TTLL11: variants seen among roughly 807,000 people sequenced by gnomAD.
TTLL11 encodes the protein tubulin tyrosine ligase like 11.
In TTLL11, 42 loss-of-function variants were observed where a neutral mutation model predicts 51.7. That is an observed-to-expected ratio of 0.81 (90% CI 0.64 to 1.05). TTLL11 has a LOEUF of 1.05. Ranked by LOEUF, TTLL11 falls within the 50% of genes least tolerant of loss-of-function variation. TTLL11 has a pLI of 0.00. For missense variants in TTLL11, 799 were observed against 940.4 expected, an observed-to-expected ratio of 0.85 and a Z score of 1.97; for synonymous variants, 381 against 383.5, an observed-to-expected ratio of 0.99 and a Z score of 0.08.
intron 8 of TTLL11, among the ~76,000 whole-genome samples, chr9:121,828,053 G>T (rs1261377150): frequency 6.6e-6 from 1 of 152,124 alleles, no homozygotes; most frequent in African/African-American, 2.4e-5. Flanking sequence ...AGCAGAAAGT[G>T]CCATAGAGCC....
At chr9:122,038,253 T>C (rs1463716157) in intron 2 of TTLL11, among the ~76,000 whole-genome samples, 2 of 152,152 alleles carry the variant, frequency 1.3e-5, no homozygotes, top group African/African-American at 4.8e-5. Context: ...AAAAAATAAG[T>C]GGAAGGCCCT....
chr9:121,895,992 TTG>T (rs753335178), intron 6 of TTLL11, among the ~76,000 whole-genome samples: 1 of 76,920 alleles, frequency 1.3e-5, no homozygotes, highest in Non-Finnish European at 2.8e-5. Flanking sequence ...GGTGGGTGTT[TTG>T]TGTGAGTGTG....
At chr9:122,085,833 A>G (rs749556394) in intron 1 of TTLL11, among the ~76,000 whole-genome samples, 5 of 152,182 alleles carry the variant, frequency 3.3e-5, no homozygotes, top group Admixed American at 2.6e-4. Flanking sequence ...AGTCTCAGAG[A>G]GGTTCTGTAT....
chr9:122,027,611 C>G (rs1232295732), intron 3 of TTLL11, among the ~76,000 whole-genome samples: 1 of 152,176 alleles, frequency 6.6e-6, no homozygotes, highest in African/African-American at 2.4e-5. Flanking sequence ...TTGGGGTGCT[C>G]TCTCTGTCCT....
At chr9:121,857,042 G>C (rs921966192) in intron 8 of TTLL11, among the ~76,000 whole-genome samples, 5 of 152,176 alleles carry the variant, frequency 3.3e-5, no homozygotes, top group Non-Finnish European at 5.9e-5. Flanking sequence ...GCCCTGGCTG[G>C]CACCAGCAGT....
chr9:122,014,288 C>T (rs565811628), intron 3 of TTLL11, among the ~76,000 whole-genome samples: 1 of 152,216 alleles, frequency 6.6e-6, no homozygotes, highest in East Asian at 1.9e-4. Context: ...TTGCTCGAAC[C>T]CAGGAGGCAG....
chr9:121,966,203 A>C (rs1380530598), intron 6 of TTLL11, among the ~76,000 whole-genome samples: 1 of 152,228 alleles, frequency 6.6e-6, no homozygotes, highest in Non-Finnish European at 1.5e-5. Context: ...AGGATTGTGA[A>C]ATGTTACATG....
intron 3 of TTLL11, among the ~76,000 whole-genome samples, chr9:122,030,814 G>A (rs1157765705): frequency 2.8e-5 from 4 of 145,204 alleles, no homozygotes; most frequent in Non-Finnish European, 6.0e-5. Flanking sequence ...GGTGGCACCC[G>A]CCTGTAGTCC....
chr9:122,091,997 G>A (rs956395466), intron 1 of TTLL11, among the ~76,000 whole-genome samples: 1 of 152,198 alleles, frequency 6.6e-6, no homozygotes, highest in African/African-American at 2.4e-5. Context: ...TGATCATGAG[G>A]ACAGTGGTGG....
chr9:122,020,249 G>T (rs1273150691), intron 3 of TTLL11, among the ~76,000 whole-genome samples: 2 of 152,168 alleles, frequency 1.3e-5, no homozygotes, highest in African/African-American at 4.8e-5. Context: ...TGGCTGGTCT[G>T]CCAGGTAAAC....
At chr9:122,048,439 T>C (rs1267377645) in intron 1 of TTLL11, among the ~76,000 whole-genome samples, 1 of 152,166 alleles carries the variant, frequency 6.6e-6, no homozygotes, top group Non-Finnish European at 1.5e-5. Flanking sequence ...AGTGCTGGGA[T>C]TATAGATGTG....
chr9:121,895,856 T>G (rs1018068404), intron 6 of TTLL11, among the ~76,000 whole-genome samples: 20 of 2,136 alleles, frequency 9.4e-3, no homozygotes, highest in Admixed American at 0.061. Context: ...TGTATGAATG[T>G]GTTGTGTGGG....
Position 122,092,895 on chromosome 9 carries a change from G to A in TTLL11, c.254C>T (p.Pro85Leu), listed in dbSNP as rs201079340. The A allele has an allele frequency of 3.2e-6, 5 of 1,568,812 alleles. No individual in the cohort carries two copies. Among genetic ancestry groups the A allele is most frequent in the Middle Eastern group, 2.0e-4 (1 of 4,892 alleles). Reference protein sequence around the residue: ...EGNTQVLQRPPPTLPPSKPKP... With the variant: ...EGNTQVLQRPLPTLPPSKPKP... ...CGGCTTGGACGGGGGCAGCGTGGGC[G>A]GCGGCCGCTGAAGGACCTGGGTGTT... Residue 85 changes from proline (P) to leucine (L), a missense_variant, in exon 1 of 9, where the codon CCG (proline) becomes CTG (leucine). By Grantham distance (98) the Pro-to-Leu change is moderately conservative. Transcript: ENST00000321582.
At chr9:122,054,086 C>T (rs560857718) in intron 1 of TTLL11, among the ~76,000 whole-genome samples, 16 of 150,340 alleles carry the variant, frequency 1.1e-4, no homozygotes, top group African/African-American at 3.7e-4. Flanking sequence ...TATGATACCC[C>T]GGGTAAGCGT....
At chr9:122,046,569 T>C (rs992666661) in intron 1 of TTLL11, among the ~76,000 whole-genome samples, 2 of 152,244 alleles carry the variant, frequency 1.3e-5, no homozygotes, top group Non-Finnish European at 2.9e-5. Flanking sequence ...CATTGAAAGC[T>C]GACAAATGGT....
chr9:121,904,804 C>A (rs530201907), intron 6 of TTLL11, among the ~76,000 whole-genome samples: 1 of 152,298 alleles, frequency 6.6e-6, no homozygotes, highest in South Asian at 2.1e-4. Context: ...CTTTTTCTAC[C>A]AAGGCAACAG....
intron 8 of TTLL11, among the ~76,000 whole-genome samples, chr9:121,849,875 C>T (rs1295430453): frequency 6.6e-6 from 1 of 152,092 alleles, no homozygotes; most frequent in African/African-American, 2.4e-5. Context: ...CAGGTAACCC[C>T]ACCGCTACCA....
intron 6 of TTLL11, among the ~76,000 whole-genome samples, chr9:121,969,036 A>G (rs746231523): frequency 2.0e-5 from 3 of 149,060 alleles, no homozygotes; most frequent in Non-Finnish European, 4.5e-5. Flanking sequence ...TGCCCAGCTA[A>G]TTTTTGTATT....
At chr9:122,001,386 G>C (rs1410720965) in intron 3 of TTLL11, among the ~76,000 whole-genome samples, 1 of 152,110 alleles carries the variant, frequency 6.6e-6, no homozygotes, top group East Asian at 1.9e-4. Context: ...TTCCAGGCGT[G>C]AGCCACCGCA....
Sources: gnomAD v4.1 joint callset for allele counts (sites outside exome capture counted in the v4.1 genomes callset) on GRCh38, gnomAD v4.1.1 for gene constraint, MANE v1.5 for transcripts, NCBI Gene and HGNC (gene_info 2026-07-23, HGNC 2026-07-21) for gene names.